The following AGBL1 variants were observed in gnomAD, a reference collection of about 807,000 sequenced individuals.
AGBL1 encodes cytosolic carboxypeptidase 4.
In AGBL1, 130 loss-of-function variants were observed where a neutral mutation model predicts 118.9. The ratio of observed to expected loss-of-function variants is 1.09; its 90% CI spans 0.95 to 1.26. The LOEUF is 1.26. Ranked by LOEUF, AGBL1 falls within the 50% of genes most tolerant of loss-of-function variation. AGBL1 has a pLI of 0.00. For synonymous variants in AGBL1, 555 were observed against 478.9 expected (o/e 1.16, Z -2.08); for missense variants, 1,584 against 1,298.1 (o/e 1.22, Z -3.38).
At chr15:86,375,428 C>A (rs1010750537) in intron 17 of AGBL1, among the ~76,000 whole-genome samples, 1 of 150,898 alleles carries the variant, frequency 6.6e-6, no homozygotes, top group Non-Finnish European at 1.5e-5. Context: ...ATGATCCAGT[C>A]ACCCCCCCAC....
intron 18 of AGBL1, among the ~76,000 whole-genome samples, chr15:86,419,744 T>C (rs916793296): frequency 1.3e-5 from 2 of 152,164 alleles, no homozygotes; most frequent in African/African-American, 4.8e-5. Flanking sequence ...CACAGCAGTC[T>C]GAAGTCGACC....
At chr15:86,250,759 G>T (rs2078802931) in intron 7 of AGBL1, among the ~76,000 whole-genome samples, 2 of 152,090 alleles carry the variant, frequency 1.3e-5, no homozygotes, top group Non-Finnish European at 2.9e-5. Flanking sequence ...CAGACCTCAG[G>T]TGAGTGCTGT....
chr15:86,197,992 T>C (rs897864529), intron 5 of AGBL1, among the ~76,000 whole-genome samples: 1 of 151,932 alleles, frequency 6.6e-6, no homozygotes, highest in African/African-American at 2.4e-5. Flanking sequence ...GGGTGCAAGG[T>C]TGGGTGAGGT....
chr15:86,744,442 C>T (rs1296540861), intron 22 of AGBL1, among the ~76,000 whole-genome samples: 1 of 152,040 alleles, frequency 6.6e-6, no homozygotes, highest in African/African-American at 2.4e-5. Flanking sequence ...GAAATATCTC[C>T]CTCCCAGTGA....
intron 22 of AGBL1, among the ~76,000 whole-genome samples, chr15:86,886,910 T>C (rs138749333): frequency 3.0e-4 from 45 of 152,200 alleles, no homozygotes; most frequent in African/African-American, 1.0e-3. Context: ...TTTTGGAAGC[T>C]CCTTTCTCTC....
intron 11 of AGBL1, 134 bp downstream of exon 11, chr15:86,264,972 C>T (rs900042131): frequency 1.2e-6 from 1 of 862,266 alleles, no homozygotes. Flanking sequence ...AGCCTGTTGG[C>T]AAACTGGCCA....
chr15:86,212,284 A>G (rs923437386), intron 5 of AGBL1, among the ~76,000 whole-genome samples: 7 of 152,242 alleles, frequency 4.6e-5, no homozygotes, highest in Non-Finnish European at 1.0e-4. Flanking sequence ...TAAATACGCA[A>G]TTTCCATGTT....
At chr15:86,314,075 T>G (rs1210686950) in intron 17 of AGBL1, among the ~76,000 whole-genome samples, 1 of 152,212 alleles carries the variant, frequency 6.6e-6, no homozygotes, top group Non-Finnish European at 1.5e-5. Flanking sequence ...TGAATATATA[T>G]TAAATAGGTA....
intron 21 of AGBL1, among the ~76,000 whole-genome samples, chr15:86,596,650 C>T (rs930204808): frequency 2.0e-5 from 3 of 152,078 alleles, no homozygotes; most frequent in Non-Finnish European, 4.4e-5. Context: ...CATCATTCAA[C>T]TTTCATCCAT....
At chr15:86,159,247 C>G (rs552340240) in intron 5 of AGBL1, among the ~76,000 whole-genome samples, 1 of 152,230 alleles carries the variant, frequency 6.6e-6, no homozygotes, top group African/African-American at 2.4e-5. Context: ...TATTATTATT[C>G]TCTTTTTCAG....
Position 86,387,826 on chromosome 15 carries a change from C to T in AGBL1, c.2375-9540C>T, listed in dbSNP as rs151244869. Among the ~76,000 whole-genome samples the T allele has an allele frequency of 3.0e-3, 456 of 152,270 alleles. 3 individuals carry two copies. The highest frequency in any genetic ancestry group is 0.014 in the Middle Eastern group (4 of 294). ...CCCGCTCTGCCAATGTATGAATCCC[C>T]ACTCCTTTTTGGTGAAAACTAAGCA... On this transcript the variant is annotated intron_variant, in intron 17 of 22. Coordinates refer to ENST00000614907, the MANE Select transcript of AGBL1 (RefSeq NM_001386094.1).
At chr15:86,567,719 G>A (rs2142302672) in intron 21 of AGBL1, among the ~76,000 whole-genome samples, 1 of 152,228 alleles carries the variant, frequency 6.6e-6, no homozygotes, top group East Asian at 1.9e-4. Flanking sequence ...GAGAGATTGA[G>A]GACCACCTCA....
intron 17 of AGBL1, among the ~76,000 whole-genome samples, chr15:86,378,959 C>G (rs2081075388): frequency 6.6e-6 from 1 of 151,280 alleles, no homozygotes; most frequent in Non-Finnish European, 1.5e-5. Flanking sequence ...GTCACCCAGG[C>G]TGGAGTGCAA....
intron 22 of AGBL1, among the ~76,000 whole-genome samples, chr15:86,682,617 G>GA (rs1263383426): frequency 1.3e-5 from 2 of 151,844 alleles, no homozygotes; most frequent in African/African-American, 4.8e-5. Flanking sequence ...AAACATAACA[G>GA]AAAAGAATAT....
chr15:86,749,721 T>G (rs952998795), intron 22 of AGBL1, among the ~76,000 whole-genome samples: 9 of 152,130 alleles, frequency 5.9e-5, no homozygotes, highest in Admixed American at 2.6e-4. Context: ...TAGCATGAAG[T>G]GCTGTTGAAT....
At chr15:86,342,151 T>A (rs1043851893) in intron 17 of AGBL1, among the ~76,000 whole-genome samples, 1 of 152,228 alleles carries the variant, frequency 6.6e-6, no homozygotes, top group Non-Finnish European at 1.5e-5. Flanking sequence ...ACATCCTTTT[T>A]TTACTGCTAC....
At chr15:86,313,691 A>G (rs1320693181) in intron 17 of AGBL1, among the ~76,000 whole-genome samples, 2 of 152,258 alleles carry the variant, frequency 1.3e-5, no homozygotes, top group African/African-American at 2.4e-5. Context: ...ATTATCATTT[A>G]TGAATTATTG....
intron 1 of AGBL1, among the ~76,000 whole-genome samples, chr15:86,138,828 T>C (rs369243646): frequency 1.2e-4 from 19 of 152,192 alleles, no homozygotes; most frequent in Non-Finnish European, 2.6e-4. Flanking sequence ...CTCCTCTTCA[T>C]AGAAAGATGA....
chr15:86,665,556 T>A (rs1003772266), intron 21 of AGBL1, among the ~76,000 whole-genome samples: 2 of 152,164 alleles, frequency 1.3e-5, no homozygotes. Flanking sequence ...TTTTGTTGTT[T>A]CCATTTTAGT....
Sources: allele counts gnomAD v4.1 joint callset (sites outside exome capture counted in the v4.1 genomes callset), GRCh38; gene constraint gnomAD v4.1.1; transcripts MANE v1.5; gene names NCBI Gene and HGNC (gene_info 2026-07-23, HGNC 2026-07-21).